Variants in EPB41L3 observed in about 807,000 individuals in gnomAD.
EPB41L3 encodes erythrocyte membrane protein band 4.1 like 3.
In EPB41L3, 57 loss-of-function variants were observed where a neutral mutation model predicts 127.1. The observed-to-expected ratio is 0.45, with a 90% CI of 0.36 to 0.56. The LOEUF (loss-of-function observed/expected upper bound fraction) is 0.56, where lower values mean the gene tolerates loss of function less well. Ranked by LOEUF, EPB41L3 falls within the 20% of genes least tolerant of loss-of-function variation. The pLI, the probability that EPB41L3 is intolerant of heterozygous loss-of-function variation, is 0.00. For synonymous variants in EPB41L3, 572 were observed against 549.5 expected (o/e 1.04, Z -0.57); for missense variants, 1,273 against 1,372.2 (o/e 0.93, Z 1.14).
At chr18:5,410,757 A>C in intron 13 of EPB41L3, 138 bp from the exon 14 acceptor site, 2 of 636,938 alleles carry the variant, frequency 3.1e-6, no homozygotes, top group Non-Finnish European at 5.6e-6. Flanking sequence ...CTACCTTCTC[A>C]CAAGAACACA....
chr18:5,613,202 A>T lies in EPB41L3; in HGVS notation c.-394-774T>A, dbSNP rs888277050. 2.0e-5 allele frequency among the ~76,000 whole-genome samples: 3 copies of T among 152,184 alleles called. No individual in the cohort carries two copies. In the East Asian group the frequency reaches 5.8e-4, roughly 29 times the overall value. On this transcript the variant is annotated intron_variant, in intron 2 of 21. Transcript: ENST00000545076. ...CAGTCATCTCTTAAGGAAGTGAGTG[A>T]CCTTGACCAAGCCACTAGACATTTG...
intron 3 of EPB41L3, among the ~76,000 whole-genome samples, chr18:5,607,146 AACT>A (rs1484236272): frequency 6.6e-6 from 1 of 152,198 alleles, no homozygotes; most frequent in East Asian, 1.9e-4. Flanking sequence ...CGTGGAGAGG[AACT>A]ACTAGAAGCC....
At position 5,574,754 on chromosome 18, in the gene EPB41L3, C is replaced by T. The variant is rs140798687; in HGVS notation, c.-306+37586G>A. 6.8e-3 allele frequency among the ~76,000 whole-genome samples: 1,030 copies of T among 152,282 alleles called. 18 individuals carry two copies. Among genetic ancestry groups the T allele is most frequent in the Non-Finnish European group, 0.01 (685 of 68,022 alleles). ...TTTGTTGCTATAGAATTAAGCATAT[C>T]CCTTATGACTATTCTGGGAGAGGAC... On this transcript the variant is annotated intron_variant, in intron 3 of 21. Coordinates refer to the EPB41L3 transcript ENST00000545076.
chr18:5,442,118 A>T (rs975625462), intron 5 of EPB41L3, among the ~76,000 whole-genome samples: 12 of 152,232 alleles, frequency 7.9e-5, no homozygotes, highest in African/African-American at 2.9e-4. Flanking sequence ...TAGATGAATA[A>T]GAGAACTTTA....
intron 8 of EPB41L3, among the ~76,000 whole-genome samples, chr18:5,429,950 C>T (rs147432017): frequency 2.0e-3 from 307 of 152,260 alleles, no homozygotes; most frequent in South Asian, 8.7e-3. Flanking sequence ...AGTGCAGGAA[C>T]GAGGACGCAC....
chr18:5,507,208 C>G (rs1459783186), intron 1 of EPB41L3, among the ~76,000 whole-genome samples: 1 of 152,024 alleles, frequency 6.6e-6, no homozygotes, highest in Non-Finnish European at 1.5e-5. Flanking sequence ...CTAAAGAGAA[C>G]ACATTAAAAC....
chr18:5,434,073 C>A lies in EPB41L3; in HGVS notation c.654G>T (p.Leu218=). The change falls in exon 7 of 23, where the codon CTG becomes CTT. Residue 218 remains leucine (L), a synonymous_variant. Transcript: ENST00000341928. ...QLRDDIVSGR[L]PCSFVTLALL... ...AGGCCAGGGTAACAAAGGAGCAGGG[C>A]AGCCTTCCGGACACGATGTCATCTC... is the stretch of plus-strand genomic sequence containing the variant. 1 of 1,614,170 alleles carries A rather than the reference C, an allele frequency of 6.2e-7. No individual in the cohort carries two copies. The highest frequency in any genetic ancestry group is 1.6e-4 in the Middle Eastern group (1 of 6,062).
At chr18:5,481,859 C>T (rs2088611743) in intron 2 of EPB41L3, among the ~76,000 whole-genome samples, 1 of 152,154 alleles carries the variant, frequency 6.6e-6, no homozygotes, top group African/African-American at 2.4e-5. Context: ...CCACCTAGCG[C>T]CAAAGAGGTG....
At chr18:5,549,896 A>G (rs931874011) in intron 3 of EPB41L3, among the ~76,000 whole-genome samples, 2 of 151,960 alleles carry the variant, frequency 1.3e-5, no homozygotes, top group Non-Finnish European at 2.9e-5. Flanking sequence ...GCTGAACTGA[A>G]GATAATCTAC....
chr18:5,549,850 C>T (rs797015814), intron 3 of EPB41L3, among the ~76,000 whole-genome samples: 9 of 152,064 alleles, frequency 5.9e-5, no homozygotes, highest in Admixed American at 2.0e-4. Flanking sequence ...GAACCGAAAA[C>T]GGGTGGAAAA....
intron 3 of EPB41L3, among the ~76,000 whole-genome samples, chr18:5,573,665 A>T (rs2094306792): frequency 6.6e-6 from 1 of 152,090 alleles, no homozygotes; most frequent in South Asian, 2.1e-4. Context: ...AGCAGACACC[A>T]TTTCCTATGT....
At chr18:5,395,988 C>T (rs1269634036) in intron 19 of EPB41L3, among the ~76,000 whole-genome samples, 1 of 152,142 alleles carries the variant, frequency 6.6e-6, no homozygotes, top group Non-Finnish European at 1.5e-5. Flanking sequence ...CCTTTTTCTA[C>T]ACTTCAAGAC....
At chr18:5,594,104 G>A (rs1032103932) in intron 3 of EPB41L3, among the ~76,000 whole-genome samples, 2 of 152,182 alleles carry the variant, frequency 1.3e-5, no homozygotes, top group Non-Finnish European at 2.9e-5. Flanking sequence ...GAAATCACAA[G>A]GGTATTGACT....
chr18:5,536,560 G>T (rs1366973145), intron 1 of EPB41L3, among the ~76,000 whole-genome samples: 1 of 151,546 alleles, frequency 6.6e-6, no homozygotes, highest in African/African-American at 2.4e-5. Flanking sequence ...CCAGCACTTT[G>T]GGAGGCCAAG....
intron 5 of EPB41L3, 99 bp from the exon 6 acceptor site, chr18:5,438,209 C>T: frequency 9.7e-7 from 1 of 1,028,574 alleles, no homozygotes. Flanking sequence ...AACACCCAGG[C>T]AACTTTTGAC....
At chr18:5,454,641 A>G (rs1362352793) in intron 3 of EPB41L3, among the ~76,000 whole-genome samples, 3 of 152,200 alleles carry the variant, frequency 2.0e-5, no homozygotes, top group African/African-American at 7.2e-5. Context: ...TTCATGAGCA[A>G]TCAGCTCTTC....
rs977084018 is a variant in EPB41L3, at chr18:5,393,167, G to A, written c.*318C>T. On this transcript the variant is annotated 3_prime_UTR_variant, in exon 23 of 23. Coordinates refer to ENST00000341928, the MANE Select transcript of EPB41L3 (RefSeq NM_012307.5). ...TTGTTTATGTGTTACATGAGACCAC[G>A]GTTTATATTGTTGGTTATGAACGTG... 3.8e-5 allele frequency: 12 copies of A among 315,744 alleles called. No individual in the cohort carries two copies. Among genetic ancestry groups the A allele is most frequent in the African/African-American group, 1.1e-4 (5 of 46,576 alleles). 19.6% of individuals were successfully genotyped at this position (315,744 alleles called of 1,614,324 possible).
Position 5,438,055 on chromosome 18 carries a change from T to C in EPB41L3, c.585A>G (p.Gln195=), listed in dbSNP as rs1226709756. The change falls in exon 6 of 23, where the codon CAA becomes CAG. Residue 195 remains glutamine (Q), a synonymous_variant. Coordinates refer to ENST00000341928, the MANE Select transcript of EPB41L3 (RefSeq NM_012307.5). The part of the protein sequence containing the change: ...NVKFYPPDPA[Q]LSEDITRYYL... ...AATACCTGGTGATATCTTCAGATAG[T>C]TGGGCAGGGTCTGGTGGATAAAATT... 1 of 1,613,838 alleles carries C rather than the reference T, an allele frequency of 6.2e-7. No homozygotes were observed. The highest frequency in any genetic ancestry group is 2.2e-5 in the East Asian group (1 of 44,886).
chr18:5,453,440 C>A (rs1295087793), intron 3 of EPB41L3, among the ~76,000 whole-genome samples: 3 of 152,092 alleles, frequency 2.0e-5, no homozygotes, highest in Non-Finnish European at 4.4e-5. Flanking sequence ...CAAGGCTCTT[C>A]AGGATGCATG....
Sources: gnomAD v4.1 joint callset for allele counts (sites outside exome capture counted in the v4.1 genomes callset) on GRCh38, gnomAD v4.1.1 for gene constraint, MANE v1.5 for transcripts, NCBI Gene and HGNC (gene_info 2026-07-23, HGNC 2026-07-21) for gene names.